The following TRAPPC12 variants were observed in gnomAD, a reference collection of about 807,000 sequenced individuals.
TRAPPC12 encodes TPR repeat protein 15.
Under a neutral mutation model 69.2 loss-of-function variants are expected in TRAPPC12, and 61 were observed. That is an observed-to-expected ratio of 0.88 (90% CI 0.72 to 1.09). The LOEUF (loss-of-function observed/expected upper bound fraction) is 1.09, where lower values mean the gene tolerates loss of function less well. TRAPPC12 is among the 50% of genes least tolerant of loss of function. The probability of loss-of-function intolerance (pLI) is 0.00; values close to 1 mark genes in which losing one functional copy is unlikely to be tolerated. For synonymous variants in TRAPPC12, 469 were observed against 438.9 expected, an observed-to-expected ratio of 1.07 and a Z score of -0.86; for missense variants, 1,101 against 1,016.4, an observed-to-expected ratio of 1.08 and a Z score of -1.13.
intron 5 of TRAPPC12, among the ~76,000 whole-genome samples, chr2:3,431,860 A>G (rs1663462986): frequency 6.6e-6 from 1 of 152,224 alleles, no homozygotes; most frequent in Admixed American, 6.5e-5. Context: ...AAAGAAAATT[A>G]AATGTCCATT....
At chr2:3,403,392 C>T (rs201867625) in intron 3 of TRAPPC12, among the ~76,000 whole-genome samples, 2 of 151,994 alleles carry the variant, frequency 1.3e-5, no homozygotes, top group East Asian at 3.9e-4. Flanking sequence ...ACCACCACAC[C>T]CGGCTAATTT....
intron 9 of TRAPPC12, chr2:3,466,387 A>G (rs769369501): frequency 2.3e-5 from 11 of 470,984 alleles, no homozygotes; most frequent in South Asian, 1.7e-4. Context: ...ACAGGCACCC[A>G]CTCACGGTGA....
chr2:3,424,493 A>T (rs746249698), intron 4 of TRAPPC12, 32 bp from the exon 5 acceptor site: 1 of 1,607,054 alleles, frequency 6.2e-7, no homozygotes, highest in South Asian at 1.1e-5. Flanking sequence ...ATATGTAGAT[A>T]ACCTATTGTT....
intron 9 of TRAPPC12, among the ~76,000 whole-genome samples, chr2:3,466,849 C>T (rs1036163942): frequency 2.3e-4 from 35 of 152,198 alleles, no homozygotes; most frequent in Admixed American, 8.5e-4. Flanking sequence ...ACCCTCGTTA[C>T]CTGTGTGAGA....
intron 3 of TRAPPC12, among the ~76,000 whole-genome samples, chr2:3,409,925 TG>T (rs1296963009): frequency 1.3e-5 from 2 of 152,222 alleles, no homozygotes; most frequent in Non-Finnish European, 2.9e-5. Context: ...GGTGTGAGGC[TG>T]GGTCTGGGCC....
rs1270773331 is a variant in TRAPPC12, at chr2:3,479,299, G to A, written c.2046G>A (p.Gln682=). 1.9e-6 allele frequency: 3 copies of A among 1,614,212 alleles called. No homozygotes were observed. The highest frequency in any genetic ancestry group is 4.5e-5 in the East Asian group (2 of 44,892). The change falls in exon 12 of 12, where the codon CAG becomes CAA. Residue 682 remains glutamine (Q), a synonymous_variant. Coordinates refer to ENST00000324266, the MANE Select transcript of TRAPPC12 (RefSeq NM_016030.6). ...TGCGGCAGCTGGAGGCCATGGTCCA[G>A]CAGGACCCCAGGCACTACCTGCACG... ...DSLRQLEAMV[Q]QDPRHYLHES...
intron 3 of TRAPPC12, among the ~76,000 whole-genome samples, chr2:3,404,069 A>T (rs1431911169): frequency 6.6e-6 from 1 of 152,122 alleles, no homozygotes; most frequent in Non-Finnish European, 1.5e-5. Context: ...TGGGTTCAGT[A>T]TGGATTGGGG....
intron 9 of TRAPPC12, among the ~76,000 whole-genome samples, chr2:3,473,064 A>C (rs1666131811): frequency 6.6e-6 from 1 of 152,218 alleles, no homozygotes; most frequent in Non-Finnish European, 1.5e-5. Context: ...AAGGACAGAG[A>C]AGGAAGGCAA....
At position 3,465,658 on chromosome 2, in the gene TRAPPC12, C is replaced by A; in HGVS notation, c.1739C>A (p.Pro580His). 1 of 1,614,194 alleles carries A rather than the reference C, an allele frequency of 6.2e-7. No individual in the cohort carries two copies. Among genetic ancestry groups the A allele is most frequent in the South Asian group, 1.1e-5 (1 of 91,088 alleles). Residue 580 changes from proline to histidine, a missense_variant, in exon 9 of 12, where the codon CCC becomes CAC. Physicochemically the swap from Pro to His is moderately conservative, Grantham distance 77 (BLOSUM62 -2). Transcript: ENST00000324266. ...SVIKYYPEQE[P>H]QLLSGIGRIS... Reference sequence around the variant, plus strand: ...ATCAAGTATTACCCAGAGCAAGAGCCCCAGCTGCTCAGCGGCATCGGCCGG... The same window carrying A: ...ATCAAGTATTACCCAGAGCAAGAGCACCAGCTGCTCAGCGGCATCGGCCGG...
At chr2:3,469,862 A>G (rs1665985114) in intron 9 of TRAPPC12, among the ~76,000 whole-genome samples, 1 of 152,224 alleles carries the variant, frequency 6.6e-6, no homozygotes, top group South Asian at 2.1e-4. Flanking sequence ...TACAAATCAC[A>G]TTGTAACATC....
chr2:3,429,749 C>A (rs1455532418), intron 5 of TRAPPC12, among the ~76,000 whole-genome samples: 1 of 152,190 alleles, frequency 6.6e-6, no homozygotes, highest in Non-Finnish European at 1.5e-5. Context: ...TACTTCCGTA[C>A]CTTATGAGAA....
chr2:3,412,839 A>C (rs113766941), intron 3 of TRAPPC12, among the ~76,000 whole-genome samples: 9 of 152,342 alleles, frequency 5.9e-5, no homozygotes, highest in African/African-American at 1.9e-4. Flanking sequence ...CACAACTTCA[A>C]TGAAATTAGG....
intron 1 of TRAPPC12, among the ~76,000 whole-genome samples, chr2:3,383,694 C>T (rs1284137057): frequency 1.3e-5 from 2 of 152,022 alleles, no homozygotes; most frequent in East Asian, 1.9e-4. Flanking sequence ...CGTGAGCCAC[C>T]GCACCCGGCC....
At chr2:3,436,271 A>G (rs1031104411) in intron 5 of TRAPPC12, among the ~76,000 whole-genome samples, 2 of 152,192 alleles carry the variant, frequency 1.3e-5, no homozygotes, top group Admixed American at 6.5e-5. Flanking sequence ...TGAGATCCCA[A>G]GAACACAGTC....
intron 7 of TRAPPC12, among the ~76,000 whole-genome samples, chr2:3,459,091 G>A (rs992018199): frequency 1.3e-5 from 2 of 152,232 alleles, no homozygotes; most frequent in Non-Finnish European, 2.9e-5. Flanking sequence ...CTAGGTGATT[G>A]TTATCTCACA....
At chr2:3,461,542 C>A (rs978018734) in intron 8 of TRAPPC12, among the ~76,000 whole-genome samples, 2 of 152,228 alleles carry the variant, frequency 1.3e-5, no homozygotes, top group South Asian at 4.1e-4. Flanking sequence ...TCTCTGAAAT[C>A]CCTCCCAGCT....
At chr2:3,386,897 G>A (rs749744657) in intron 1 of TRAPPC12, among the ~76,000 whole-genome samples, 5 of 152,166 alleles carry the variant, frequency 3.3e-5, no homozygotes, top group African/African-American at 7.2e-5. Flanking sequence ...TGTTGGCAAG[G>A]ATGTGAATTC....
chr2:3,422,308 G>T (rs967802084), intron 4 of TRAPPC12, among the ~76,000 whole-genome samples: 1 of 152,180 alleles, frequency 6.6e-6, no homozygotes, highest in African/African-American at 2.4e-5. Flanking sequence ...GGGGCTCTGG[G>T]GCGTGTCTGG....
chr2:3,433,060 T>G (rs1663531224), intron 5 of TRAPPC12, among the ~76,000 whole-genome samples: 7 of 152,210 alleles, frequency 4.6e-5, no homozygotes, highest in Admixed American at 4.6e-4. Flanking sequence ...TGTTTTGTTT[T>G]TAATTTACAA....
Sources: gnomAD v4.1 joint callset for allele counts (sites outside exome capture counted in the v4.1 genomes callset) on GRCh38, gnomAD v4.1.1 for gene constraint, MANE v1.5 for transcripts, NCBI Gene and HGNC (gene_info 2026-07-23, HGNC 2026-07-21) for gene names.